PALLD: variants seen among roughly 807,000 people sequenced by gnomAD.
PALLD encodes the protein palladin, cytoskeletal associated protein.
In PALLD, 61 loss-of-function variants were observed where a neutral mutation model predicts 123.5. That is an observed-to-expected ratio of 0.49 (90% CI 0.40 to 0.61). PALLD has a LOEUF of 0.61. Ranked by LOEUF, PALLD falls within the 20% of genes least tolerant of loss-of-function variation. The pLI, the probability that PALLD is intolerant of heterozygous loss-of-function variation, is 0.00. For missense variants in PALLD, 1,273 were observed against 1,377.0 expected, an observed-to-expected ratio of 0.92 and a Z score of 1.20; for synonymous variants, 465 against 496.4, an observed-to-expected ratio of 0.94 and a Z score of 0.84.
rs1404559721 is a variant in PALLD at position 168,511,525 on chromosome 4, T to A, written c.21T>A (p.His7Gln). The A allele has an allele frequency of 6.2e-7, 1 of 1,613,608 alleles. No individual in the cohort carries two copies. The highest frequency in any genetic ancestry group is 1.3e-5 in the African/African-American group (1 of 74,926). The part of the protein sequence containing the change: MSGTSS[H>Q]ESFYDSLSDM... ...CAAATATGTCAGGGACCTCCTCCCA[T>A]GAGTCCTTCTATGACTCCCTCTCAG... The change falls in exon 2 of 22, where the codon CAT (histidine) becomes CAA (glutamine). Residue 7 changes from histidine (H) to glutamine (Q), a missense_variant. This residue lies in a region of PALLD where 944 missense variants were observed against 954.5 expected (regional missense o/e 0.99). Transcript: ENST00000505667.
intron 15 of PALLD, among the ~76,000 whole-genome samples, chr4:168,910,425 T>C (rs1031235611): frequency 6.6e-6 from 1 of 152,136 alleles, no homozygotes; most frequent in African/African-American, 2.4e-5. Context: ...CCACATAGTC[T>C]GCCTCCTGTG....
chr4:168,573,600 A>T (rs1196831848), intron 2 of PALLD, among the ~76,000 whole-genome samples: 1 of 152,078 alleles, frequency 6.6e-6, no homozygotes, highest in African/African-American at 2.4e-5. Context: ...ATTTAGAGAG[A>T]TGATTGCTAT....
At chr4:168,886,589 G>A (rs1753363302) in intron 10 of PALLD, among the ~76,000 whole-genome samples, 1 of 152,168 alleles carries the variant, frequency 6.6e-6, no homozygotes, top group African/African-American at 2.4e-5. Context: ...GCTGCAGGGA[G>A]CTGTGATCAC....
intron 2 of PALLD, among the ~76,000 whole-genome samples, chr4:168,594,226 G>T (rs1771750223): frequency 6.6e-6 from 1 of 152,198 alleles, no homozygotes; most frequent in Admixed American, 6.5e-5. Context: ...GATAGTGTAA[G>T]TAGAAGTGAA....
chr4:168,877,795 G>C (rs1751962276), intron 10 of PALLD: 1 of 1,227,816 alleles, frequency 8.1e-7, no homozygotes, highest in Non-Finnish European at 1.0e-6. Context: ...GGCAGCCTCC[G>C]CCAGCCCCGC....
intron 6 of PALLD, among the ~76,000 whole-genome samples, chr4:168,687,647 G>A (rs926147508): frequency 6.6e-6 from 1 of 152,156 alleles, no homozygotes; most frequent in African/African-American, 2.4e-5. Context: ...TCCTGCATGG[G>A]TCTGGCATGT....
chr4:168,775,739 TTTTA>T (rs1735092718), intron 10 of PALLD, among the ~76,000 whole-genome samples: 1 of 152,296 alleles, frequency 6.6e-6, no homozygotes, highest in African/African-American at 2.4e-5. Flanking sequence ...TGAAGCTCTT[TTTTA>T]TTTGTTTGCA....
intron 13 of PALLD, among the ~76,000 whole-genome samples, chr4:168,896,976 T>C (rs1284581229): frequency 1.3e-5 from 2 of 151,990 alleles, no homozygotes; most frequent in Non-Finnish European, 2.9e-5. Context: ...GGATTACAAG[T>C]GCATGCCAAC....
At position 168,688,427 on chromosome 4, in the gene PALLD, T is replaced by C. The variant is rs1782291624; in HGVS notation, c.1336-2176T>C. Among the ~76,000 whole-genome samples, 3 of 152,164 alleles carry C rather than the reference T, an allele frequency of 2.0e-5. No individual in the cohort carries two copies. The South Asian group carries it at 6.2e-4, about 32-fold the overall frequency. On this transcript the variant is annotated intron_variant, in intron 6 of 21. Coordinates refer to ENST00000505667, the MANE Select transcript of PALLD (RefSeq NM_001166108.2). ...GCATGGACGTACATGTGACATTTCT[T>C]CCCAAATAGACCCCTCCAAAGAATC...
At chr4:168,816,692 C>T (rs1391132322) in intron 10 of PALLD, among the ~76,000 whole-genome samples, 6 of 152,106 alleles carry the variant, frequency 3.9e-5, no homozygotes, top group South Asian at 4.2e-4. Context: ...TCTTTTTAAA[C>T]AGCTGAAAAC....
intron 2 of PALLD, among the ~76,000 whole-genome samples, chr4:168,633,536 T>C (rs1009035560): frequency 8.5e-5 from 13 of 152,252 alleles, no homozygotes; most frequent in African/African-American, 2.7e-4. Flanking sequence ...CTTTGATCAC[T>C]ACAGTGTTTA....
chr4:168,692,305 A>C (rs1782706775), intron 8 of PALLD, among the ~76,000 whole-genome samples: 1 of 152,210 alleles, frequency 6.6e-6, no homozygotes, highest in Non-Finnish European at 1.5e-5. Flanking sequence ...AGGGAGGCTG[A>C]GTAGCATCCT....
At chr4:168,515,500 G>C (rs1031741522) in intron 2 of PALLD, among the ~76,000 whole-genome samples, 14 of 152,182 alleles carry the variant, frequency 9.2e-5, no homozygotes, top group African/African-American at 3.4e-4. Context: ...ATAAGCAGAA[G>C]CCCAAGAGAC....
At chr4:168,710,920 T>A (rs1784775994) in intron 9 of PALLD, among the ~76,000 whole-genome samples, 1 of 152,202 alleles carries the variant, frequency 6.6e-6, no homozygotes, top group African/African-American at 2.4e-5. Flanking sequence ...GAGCTTTTTG[T>A]TTACCTCAAT....
At chr4:168,717,179 T>C (rs1327010087) in intron 10 of PALLD, among the ~76,000 whole-genome samples, 1 of 152,302 alleles carries the variant, frequency 6.6e-6, no homozygotes, top group East Asian at 1.9e-4. Context: ...GACTGTCTTA[T>C]TTCATTGCTC....
At chr4:168,857,375 C>T (rs995618528) in intron 10 of PALLD, among the ~76,000 whole-genome samples, 1 of 152,170 alleles carries the variant, frequency 6.6e-6, no homozygotes, top group African/African-American at 2.4e-5. Context: ...GTAGACTTCA[C>T]ATTTAGAAGT....
chr4:168,563,961 C>T (rs892304029), intron 2 of PALLD, among the ~76,000 whole-genome samples: 22 of 152,274 alleles, frequency 1.4e-4, no homozygotes, highest in African/African-American at 5.1e-4. Context: ...ATCCATCACT[C>T]AGATAATACA....
intron 1 of PALLD, among the ~76,000 whole-genome samples, chr4:168,507,963 T>C (rs1275390623): frequency 6.6e-6 from 1 of 152,226 alleles, no homozygotes; most frequent in Non-Finnish European, 1.5e-5. Flanking sequence ...ACCTCCCCGC[T>C]CTTCCTCATC....
At chr4:168,829,449 C>T (rs986135112) in intron 10 of PALLD, among the ~76,000 whole-genome samples, 1 of 152,240 alleles carries the variant, frequency 6.6e-6, no homozygotes, top group African/African-American at 2.4e-5. Flanking sequence ...TAATATCAGA[C>T]ATCTGTTTTA....
Sources: gnomAD v4.1 joint callset for allele counts (sites outside exome capture counted in the v4.1 genomes callset) on GRCh38, gnomAD v4.1.1 for gene constraint, gnomAD v4.1.1 regional missense constraint, MANE v1.5 for transcripts, NCBI Gene and HGNC (gene_info 2026-07-23, HGNC 2026-07-21) for gene names.